ROBO1: variants seen among roughly 807,000 people sequenced by gnomAD.
ROBO1 encodes roundabout homolog 1.
A neutral mutation model predicts 195.9 loss-of-function variants in ROBO1; 149 were observed. The ratio of observed to expected loss-of-function variants is 0.76; its 90% confidence interval spans 0.67 to 0.87. The LOEUF (loss-of-function observed/expected upper bound fraction) is 0.87. Ranked by LOEUF, ROBO1 falls within the 40% of genes least tolerant of loss-of-function variation. ROBO1 has a pLI of 0.00. For missense variants in ROBO1, 1,933 were observed against 2,068.3 expected (o/e 0.93, Z 1.27); for synonymous variants, 816 against 733.2 (o/e 1.11, Z -1.82).
chr3:79,683,125 T>A (rs1946998994), intron 1 of ROBO1, among the ~76,000 whole-genome samples: 1 of 152,026 alleles, frequency 6.6e-6, no homozygotes, highest in Non-Finnish European at 1.5e-5. Flanking sequence ...TTTTTTTCTA[T>A]CTTTGGTAAA....
chr3:79,019,420 G>T (rs905944019), intron 3 of ROBO1: 39 of 986,054 alleles, frequency 4.0e-5, no homozygotes, highest in Non-Finnish European at 4.2e-5. Context: ...AGCGGCGTCT[G>T]AAGTTTCTGC....
At chr3:79,085,475 G>A (rs562321466) in intron 3 of ROBO1, among the ~76,000 whole-genome samples, 2 of 152,154 alleles carry the variant, frequency 1.3e-5, no homozygotes, top group Non-Finnish European at 2.9e-5. Flanking sequence ...TGAAGATGCA[G>A]TTTAAAGGGC....
Position 79,576,927 on chromosome 3 carries a change from G to T in ROBO1, c.88+12897C>A, listed in dbSNP as rs189774193. On this transcript the variant is annotated intron_variant, in intron 2 of 30. Coordinates refer to ENST00000464233, the MANE Select transcript of ROBO1 (RefSeq NM_002941.4). ...GAACGTTAACAATTTGGCCAACATC[G>T]ACTTGTTCCATCTATAACAATAACA... Among the ~76,000 whole-genome samples, 5 of 152,176 alleles carry T rather than the reference G, an allele frequency of 3.3e-5. No individual in the cohort carries two copies. In the East Asian group the frequency reaches 9.7e-4, roughly 29 times the overall value.
chr3:79,048,987 TCTC>T (rs1361368465), intron 3 of ROBO1, among the ~76,000 whole-genome samples: 3 of 151,988 alleles, frequency 2.0e-5, no homozygotes, highest in Non-Finnish European at 2.9e-5. Flanking sequence ...GAGCACCTCT[TCTC>T]CTCCAAAAGA....
chr3:78,629,744 T>C lies in ROBO1; in HGVS notation c.3626+1417A>G, dbSNP rs1705061962. Among the ~76,000 whole-genome samples the C allele has an allele frequency of 2.0e-5, 3 of 152,262 alleles. No homozygotes were observed. The South Asian group carries it at 6.2e-4, about 32-fold the overall frequency. The stretch of plus-strand genomic sequence containing the variant: ...TTCCATATCTGCAAATTCGCTGACT[T>C]GGTGTAATTTATTTGTAAACCCCCA... On this transcript the variant is annotated intron_variant, in intron 25 of 30. Coordinates refer to ENST00000464233, the MANE Select transcript of ROBO1 (RefSeq NM_002941.4).
In ROBO1 at chr3:79,199,765, C is replaced by A. The variant is rs959984506; in HGVS notation, c.89-74226G>T. On this transcript the variant is annotated intron_variant, in intron 2 of 30. Transcript: ENST00000464233. ...TTTCTATGTGGCTTGAGGATTCAAT[C>A]GTAGTACATTATTGTCACAATCAGT... is the stretch of plus-strand genomic sequence containing the variant. Among the ~76,000 whole-genome samples, 4 of 151,294 alleles carry A rather than the reference C, an allele frequency of 2.6e-5. No homozygotes were observed. The Admixed American group carries it at 2.6e-4, about 10-fold the overall frequency.
chr3:78,670,084 A>C lies in ROBO1; in HGVS notation c.1548+12T>G. On this transcript the variant is annotated intron_variant, in intron 11 of 30. Transcript: ENST00000464233. Reference sequence around the variant, plus strand: ...AACAAAACAAGAAACGCAAGGTGCCATTCCAAGTTACCTTAGCATATCGGA... The same window carrying C: ...AACAAAACAAGAAACGCAAGGTGCCCTTCCAAGTTACCTTAGCATATCGGA... 1 of 1,576,242 alleles carries C rather than the reference A, an allele frequency of 6.3e-7. No individual in the cohort carries two copies. Among genetic ancestry groups the C allele is most frequent in the African/African-American group, 1.3e-5 (1 of 74,272 alleles).
intron 3 of ROBO1, among the ~76,000 whole-genome samples, chr3:79,042,318 T>G (rs375824563): frequency 6.6e-6 from 1 of 152,286 alleles, no homozygotes; most frequent in African/African-American, 2.4e-5. Flanking sequence ...ATGAGTTTAA[T>G]ATTTATAACA....
chr3:78,945,467 T>C (rs1330553428), intron 3 of ROBO1, among the ~76,000 whole-genome samples: 1 of 152,096 alleles, frequency 6.6e-6, no homozygotes, highest in Admixed American at 6.5e-5. Flanking sequence ...TCCTGTCTGT[T>C]AGAAAGAAAA....
chr3:79,228,812 C>A (rs539572422), intron 2 of ROBO1, among the ~76,000 whole-genome samples: 4 of 152,114 alleles, frequency 2.6e-5, no homozygotes, highest in African/African-American at 7.2e-5. Context: ...ATTAAATTTG[C>A]AATCAACTGA....
chr3:79,239,053 C>T (rs957081702), intron 2 of ROBO1, among the ~76,000 whole-genome samples: 1 of 152,194 alleles, frequency 6.6e-6, no homozygotes. Flanking sequence ...AGCCATTGCA[C>T]ATTCTCCAGC....
chr3:79,579,675 G>T (rs936423725), intron 2 of ROBO1, among the ~76,000 whole-genome samples: 7 of 152,076 alleles, frequency 4.6e-5, no homozygotes, highest in African/African-American at 1.7e-4. Context: ...TTTATTAAAA[G>T]AACATGGAAT....
At chr3:79,181,975 TTA>T (rs1212179900) in intron 2 of ROBO1, among the ~76,000 whole-genome samples, 1 of 150,582 alleles carries the variant, frequency 6.6e-6, no homozygotes, top group African/African-American at 2.4e-5. Flanking sequence ...CACATATATA[TTA>T]TATATATTTT....
intron 2 of ROBO1, among the ~76,000 whole-genome samples, chr3:79,451,943 T>G (rs528488583): frequency 6.6e-6 from 1 of 152,006 alleles, no homozygotes; most frequent in South Asian, 2.1e-4. Flanking sequence ...AATAAAATGA[T>G]GGGGCATTCA....
chr3:78,606,205 A>G (rs1703449788), intron 29 of ROBO1, among the ~76,000 whole-genome samples: 1 of 152,036 alleles, frequency 6.6e-6, no homozygotes, highest in South Asian at 2.1e-4. Flanking sequence ...TTCTAGTTTT[A>G]TTTTTCACCC....
chr3:79,382,397 G>A (rs1320654887), intron 2 of ROBO1, among the ~76,000 whole-genome samples: 1 of 152,144 alleles, frequency 6.6e-6, no homozygotes, highest in Non-Finnish European at 1.5e-5. Context: ...TAGAATTTGT[G>A]TAGGGAAGCA....
intron 3 of ROBO1, among the ~76,000 whole-genome samples, chr3:79,064,898 G>A (rs1427669825): frequency 6.6e-6 from 1 of 151,914 alleles, no homozygotes; most frequent in Non-Finnish European, 1.5e-5. Flanking sequence ...AGGAGTAAAA[G>A]CATGAAGACA....
chr3:79,560,556 T>TATATATATATATACAC (rs944214132), intron 2 of ROBO1, among the ~76,000 whole-genome samples: 1 of 119,852 alleles, frequency 8.3e-6, no homozygotes, highest in African/African-American at 3.1e-5. Context: ...TATATATATA[T>TATATATATATATACAC]ATACACATAC....
chr3:79,088,251 C>T (rs2079411671), intron 3 of ROBO1, among the ~76,000 whole-genome samples: 1 of 152,100 alleles, frequency 6.6e-6, no homozygotes, highest in Non-Finnish European at 1.5e-5. Flanking sequence ...TCATTATAAA[C>T]ATCCACTATC....
Sources: allele counts gnomAD v4.1 joint callset (sites outside exome capture counted in the v4.1 genomes callset), GRCh38; gene constraint gnomAD v4.1.1; transcripts MANE v1.5; gene names NCBI Gene and HGNC (gene_info 2026-07-23, HGNC 2026-07-21).